The following DYNC2I1 variants were observed in gnomAD, a reference collection of about 807,000 sequenced individuals.
DYNC2I1 encodes dynein 2 intermediate chain 1.
DYNC2I1 carries 89 observed loss-of-function variants against 133.4 expected under a neutral mutation model. The ratio of observed to expected loss-of-function variants is 0.67; its 90% CI spans 0.56 to 0.80. The LOEUF (loss-of-function observed/expected upper bound fraction) is 0.80, where lower values mean the gene tolerates loss of function less well. Among genes scored for constraint, DYNC2I1 ranks in the 30% least tolerant of loss-of-function variants. The pLI, the probability that DYNC2I1 is intolerant of heterozygous loss-of-function variation, is 0.00. For synonymous variants in DYNC2I1, 504 were observed against 484.3 expected, an observed-to-expected ratio of 1.04 and a Z score of -0.54; for missense variants, 1,291 against 1,314.5, an observed-to-expected ratio of 0.98 and a Z score of 0.28.
chr7:158,879,505 T>C (rs1843778271), intron 4 of DYNC2I1, among the ~76,000 whole-genome samples, 179 bp from the exon 5 acceptor site: 1 of 152,004 alleles, frequency 6.6e-6, no homozygotes, highest in Admixed American at 6.6e-5. Context: ...TAGTTGTTAT[T>C]GTTTAGGGTG....
At chr7:158,889,060 C>T (rs531032180) in intron 7 of DYNC2I1, among the ~76,000 whole-genome samples, 1 of 150,464 alleles carries the variant, frequency 6.6e-6, no homozygotes, top group East Asian at 1.9e-4. Flanking sequence ...CACACACACA[C>T]ACACACCCCT....
intron 8 of DYNC2I1, among the ~76,000 whole-genome samples, chr7:158,891,932 G>A: frequency 6.6e-6 from 1 of 151,820 alleles, no homozygotes; most frequent in Non-Finnish European, 1.5e-5. Flanking sequence ...TGTGAGGGAA[G>A]AATTGCGGAC....
intron 24 of DYNC2I1, among the ~76,000 whole-genome samples, chr7:158,942,898 A>G (rs563553576): frequency 6.6e-6 from 1 of 152,354 alleles, no homozygotes; most frequent in African/African-American, 2.4e-5. Flanking sequence ...ACTGTTAGGT[A>G]GTTCTTCGTT....
chr7:158,856,275 T>C (rs1417850969), upstream of DYNC2I1, among the ~76,000 whole-genome samples: 1 of 152,112 alleles, frequency 6.6e-6, no homozygotes, highest in African/African-American at 2.4e-5. Context: ...CAATATCTGC[T>C]CTCCCTTTCT....
chr7:158,914,415 T>C (rs1198876440), intron 14 of DYNC2I1, 94 bp downstream of exon 14: 1 of 962,310 alleles, frequency 1.0e-6, no homozygotes, highest in African/African-American at 1.7e-5. Context: ...CTTAAAGTCT[T>C]TGTAGCTTGG....
At chr7:158,901,589 TTTAACA>T (rs1320096575) in intron 8 of DYNC2I1, 144 bp from the exon 9 acceptor site, 47 of 590,300 alleles carry the variant, frequency 8.0e-5, no homozygotes, top group African/African-American at 6.9e-4. Context: ...CTTAAAGGAA[TTTAACA>T]TTATATTAGT....
intron 1 of DYNC2I1, among the ~76,000 whole-genome samples, chr7:158,857,236 C>T (rs941751233): frequency 1.3e-5 from 2 of 152,154 alleles, no homozygotes; most frequent in African/African-American, 4.8e-5. Context: ...CTTAACATGT[C>T]TTGTTTCCTA....
upstream of DYNC2I1, among the ~76,000 whole-genome samples, chr7:158,852,362 C>T (rs987824535): frequency 1.3e-4 from 19 of 151,774 alleles, no homozygotes; most frequent in African/African-American, 4.6e-4. Context: ...CCCTGTGATC[C>T]GCCCGCCTTG....
In DYNC2I1 at chr7:158,945,319, G is replaced by A. The variant is rs924514625; in HGVS notation, c.3003-262G>A. 6.6e-6 allele frequency among the ~76,000 whole-genome samples: 1 copy of A among 152,104 alleles called. No homozygotes were observed. The highest frequency in any genetic ancestry group is 2.4e-5 in the African/African-American group (1 of 41,422). On this transcript the variant is annotated intron_variant, in intron 24 of 24. Transcript: ENST00000407559. The surrounding 1 kb of genome is among the most constrained non-coding windows in gnomAD (Gnocchi z 4.1). ...CCACCTTCTCCAGGGACCTGCTGGG[G>A]GCTACTGACTCCCGGCCTGAGGAGA...
Position 158,923,618 on chromosome 7 carries a change from C to T in DYNC2I1, c.2142C>T (p.Ala714=), listed in dbSNP as rs776821647. 34 of 1,613,802 alleles carry T rather than the reference C, an allele frequency of 2.1e-5. No homozygotes were observed. In the East Asian group the frequency reaches 3.1e-4, roughly 15 times the overall value. ...CTTTGAAAGCATTTTTACTGTTTGC[C>T]GGAACAGCGCACGGCTCAGTTGTCG... is the stretch of plus-strand genomic sequence containing the variant. ...LSPLKAFLLF[A]GTAHGSVVVW... Residue 714 remains alanine, a synonymous_variant, in exon 17 of 25, where the codon GCC becomes GCT. Coordinates refer to ENST00000407559, the MANE Select transcript of DYNC2I1 (RefSeq NM_018051.5).
chr7:158,954,203 T>C (rs1852139471), intron 4 of DYNC2I1, among the ~76,000 whole-genome samples: 1 of 152,204 alleles, frequency 6.6e-6, no homozygotes, highest in South Asian at 2.1e-4. Flanking sequence ...TCCCCAGCCA[T>C]GTGGAACTGT....
At chr7:158,869,820 T>G in intron 1 of DYNC2I1, 35 bp from the exon 2 acceptor site, 1 of 1,538,196 alleles carries the variant, frequency 6.5e-7, no homozygotes. Context: ...AAATAAATTA[T>G]TTTAAACATT....
chr7:158,919,007 A>G, intron 15 of DYNC2I1, 138 bp downstream of exon 15: 1 of 1,033,636 alleles, frequency 9.7e-7, no homozygotes, highest in Non-Finnish European at 1.3e-6. Context: ...GAGTTTCTGC[A>G]GAATTCAAAA....
chr7:158,889,891 A>G (rs1412432431), intron 7 of DYNC2I1, among the ~76,000 whole-genome samples: 3 of 151,156 alleles, frequency 2.0e-5, no homozygotes, highest in African/African-American at 7.3e-5. Context: ...TGTAATCCCA[A>G]GCTACTTGGG....
intron 14 of DYNC2I1, among the ~76,000 whole-genome samples, chr7:158,915,001 C>T (rs533804207): frequency 6.6e-6 from 1 of 152,248 alleles, no homozygotes; most frequent in East Asian, 1.9e-4. Flanking sequence ...GTAAGCTCAG[C>T]ACTTGAGTCT....
Position 158,871,416 on chromosome 7 carries a change from A to G in DYNC2I1, c.344A>G (p.His115Arg). The change falls in exon 3 of 25, where the codon CAC becomes CGC. Residue 115 changes from histidine (H) to arginine (R), a missense_variant. Coordinates refer to ENST00000407559, the MANE Select transcript of DYNC2I1 (RefSeq NM_018051.5). ...AAACATCGAGAGGCAGAAAAGTCTC[A>G]CAGCAGAGGAAAGGACAGGGAAAAA... is the stretch of plus-strand genomic sequence containing the variant. ...KEKHREAEKS[H>R]SRGKDREKEK... 1 of 1,551,672 alleles carries G rather than the reference A, an allele frequency of 6.4e-7. No individual in the cohort carries two copies. Among genetic ancestry groups the G allele is most frequent in the Non-Finnish European group, 8.7e-7 (1 of 1,146,998 alleles).
Position 158,871,351 on chromosome 7 carries a change from A to AAG in DYNC2I1, c.283_284dup (p.Asp95GlufsTer11), listed in dbSNP as rs1842856558. On this transcript the variant is annotated frameshift_variant, in exon 3 of 25. Transcript: ENST00000407559. LOFTEE classifies it high-confidence loss of function. ...ACAGAGACAGACAGAGGGAGAGGAG[A>AAG]AGAGACGCAAAAGACCGGGAGAAAG... 1.3e-6 allele frequency: 2 copies of AAG among 1,553,116 alleles called. No homozygotes were observed. The highest frequency in any genetic ancestry group is 1.7e-6 in the Non-Finnish European group (2 of 1,147,722).
chr7:158,930,450 T>C lies in DYNC2I1; in HGVS notation c.2486-5T>C. 6.2e-7 allele frequency: 1 copy of C among 1,611,388 alleles called. No individual in the cohort carries two copies. The highest frequency in any genetic ancestry group is 8.5e-7 in the Non-Finnish European group (1 of 1,178,842). On this transcript the variant is annotated splice_region_variant and splice_polypyrimidine_tract_variant and intron_variant, in intron 20 of 24. Transcript: ENST00000407559. ...GTGCATTGATTTTGGTTCATCTCTT[T>C]TTAGGTCTGATGCCTGGAGGGAGGG...
chr7:158,958,169 A>G (rs1429591404), downstream of DYNC2I1, among the ~76,000 whole-genome samples: 1 of 152,246 alleles, frequency 6.6e-6, no homozygotes, highest in Non-Finnish European at 1.5e-5. Flanking sequence ...TGTGGTCTGC[A>G]CCTGCCCGTC....
Sources: gnomAD v4.1 joint callset for allele counts (sites outside exome capture counted in the v4.1 genomes callset) on GRCh38, gnomAD v4.1.1 for gene constraint, Gnocchi (gnomAD v3.1) non-coding constraint, MANE v1.5 for transcripts, NCBI Gene and HGNC (gene_info 2026-07-23, HGNC 2026-07-21) for gene names.